KIAA1549L: variants seen among roughly 807,000 people sequenced by gnomAD.
KIAA1549L encodes the protein UPF0606 protein KIAA1549L.
KIAA1549L carries 88 observed loss-of-function variants against 160.7 expected under a neutral mutation model. The observed-to-expected ratio is 0.55, with a 90% CI of 0.46 to 0.65. The LOEUF is 0.65. KIAA1549L is among the 30% of genes least tolerant of loss of function. The probability of loss-of-function intolerance (pLI) is 0.00; values close to 1 mark genes in which losing one functional copy is unlikely to be tolerated. For synonymous variants in KIAA1549L, 950 were observed against 976.7 expected, an observed-to-expected ratio of 0.97 and a Z score of 0.51; for missense variants, 2,258 against 2,437.5, an observed-to-expected ratio of 0.93 and a Z score of 1.55.
At chr11:33,430,009 C>CCCTCCCTTCCTTCCTTCCTT (rs369468169) in intron 1 of KIAA1549L, among the ~76,000 whole-genome samples, 4 of 93,298 alleles carry the variant, frequency 4.3e-5, no homozygotes, top group African/African-American at 1.4e-4. Context: ...GCTCTGCCCT[C>CCCTCCCTTCCTTCCTTCCTT]CCTTCCTTCC....
At chr11:33,482,143 C>T (rs913679182) in intron 1 of KIAA1549L, among the ~76,000 whole-genome samples, 1 of 151,834 alleles carries the variant, frequency 6.6e-6, no homozygotes, top group Non-Finnish European at 1.5e-5. Context: ...TTTCTTTGTG[C>T]TGTCTGGCAC....
At chr11:33,385,834 T>C (rs1322977424) in intron 1 of KIAA1549L, among the ~76,000 whole-genome samples, 2 of 152,148 alleles carry the variant, frequency 1.3e-5, no homozygotes, top group Non-Finnish European at 2.9e-5. Context: ...GTTTTCCACA[T>C]ACAAATTTGT....
rs1849966730 is a variant in KIAA1549L at position 33,376,944 on chromosome 11, G to A, written c.238+55G>A. ...AGGTTTCTGGAGGAGCGGGGCGGCG[G>A]GACGGGACCCACACCTGCCCAGGTG... is the stretch of plus-strand genomic sequence containing the variant. On this transcript the variant is annotated intron_variant, in intron 1 of 20. Coordinates refer to ENST00000658780, the MANE Select transcript of KIAA1549L (RefSeq NM_012194.3). This position sits in a 1 kb window ranked among gnomAD's most constrained non-coding sequence, Gnocchi z 5.8. 6.6e-6 allele frequency: 1 copy of A among 152,362 alleles called. No homozygotes were observed. Among genetic ancestry groups the A allele is most frequent in the South Asian group, 2.1e-4 (1 of 4,836 alleles). The allele number at this position is 152,362 out of a possible 1,614,324, so 9.4% of individuals were successfully genotyped here. A position where few individuals can be genotyped will look rare whatever the true frequency, so the allele number is the denominator to read the frequency against.
At chr11:33,653,628 A>G (rs916002584) in intron 17 of KIAA1549L, among the ~76,000 whole-genome samples, 2 of 152,162 alleles carry the variant, frequency 1.3e-5, no homozygotes, top group South Asian at 2.1e-4. Context: ...TATTTTATCA[A>G]TTCTGGAAAA....
intron 16 of KIAA1549L, among the ~76,000 whole-genome samples, chr11:33,642,860 G>A (rs1239342747): frequency 6.6e-6 from 1 of 152,192 alleles, no homozygotes; most frequent in Non-Finnish European, 1.5e-5. Context: ...CTAACAAGGG[G>A]AAGTGGACAG....
intron 1 of KIAA1549L, among the ~76,000 whole-genome samples, chr11:33,427,005 A>G (rs1198139121): frequency 1.3e-5 from 2 of 152,150 alleles, no homozygotes; most frequent in Non-Finnish European, 2.9e-5. Context: ...TTTTGGGGAA[A>G]CTTAGGGATA....
At chr11:33,507,177 C>T (rs758206764) in intron 1 of KIAA1549L, among the ~76,000 whole-genome samples, 2 of 152,104 alleles carry the variant, frequency 1.3e-5, no homozygotes, top group Non-Finnish European at 2.9e-5. Context: ...AAGGCAAGGC[C>T]GAGTTTATTG....
At chr11:33,567,429 C>A (rs564922930) in intron 8 of KIAA1549L, among the ~76,000 whole-genome samples, 10 of 152,302 alleles carry the variant, frequency 6.6e-5, no homozygotes, top group Non-Finnish European at 8.8e-5. Context: ...ATAGCTCACT[C>A]TTTCCATTCA....
chr11:33,576,648 T>G (rs918199336), intron 10 of KIAA1549L, among the ~76,000 whole-genome samples: 1 of 152,000 alleles, frequency 6.6e-6, no homozygotes, highest in Non-Finnish European at 1.5e-5. Flanking sequence ...GTGAACAGAT[T>G]TGGGATATTT....
chr11:33,405,054 A>G (rs1004571722), intron 1 of KIAA1549L, among the ~76,000 whole-genome samples: 4 of 151,906 alleles, frequency 2.6e-5, no homozygotes, highest in African/African-American at 9.7e-5. Flanking sequence ...AAAAAAAGTC[A>G]GATAAAATAA....
intron 1 of KIAA1549L, among the ~76,000 whole-genome samples, chr11:33,496,485 G>A (rs916298030): frequency 2.6e-5 from 4 of 152,230 alleles, no homozygotes; most frequent in South Asian, 4.1e-4. Context: ...TGCCCAGAGC[G>A]CAGCTCTTGA....
At chr11:33,638,059 A>G (rs547907617) in intron 16 of KIAA1549L, among the ~76,000 whole-genome samples, 1 of 152,164 alleles carries the variant, frequency 6.6e-6, no homozygotes, top group Non-Finnish European at 1.5e-5. Flanking sequence ...GCTTTCCCTG[A>G]CCATCCCCAT....
At chr11:33,526,216 A>G (rs1853608048) in intron 1 of KIAA1549L, among the ~76,000 whole-genome samples, 1 of 152,122 alleles carries the variant, frequency 6.6e-6, no homozygotes, top group Non-Finnish European at 1.5e-5. Flanking sequence ...AGGCCAACCA[A>G]TTCAAGCCAT....
intron 1 of KIAA1549L, among the ~76,000 whole-genome samples, chr11:33,499,417 G>T (rs1008915454): frequency 6.6e-6 from 1 of 152,204 alleles, no homozygotes; most frequent in South Asian, 2.1e-4. Flanking sequence ...TTGGGGAGGG[G>T]GATTTGTGTT....
At chr11:33,496,240 G>A (rs1419942924) in intron 1 of KIAA1549L, among the ~76,000 whole-genome samples, 2 of 152,160 alleles carry the variant, frequency 1.3e-5, no homozygotes, top group Admixed American at 6.6e-5. Flanking sequence ...CTGGATGACA[G>A]GTGTGAGCCA....
At chr11:33,428,857 A>G (rs1009005291) in intron 1 of KIAA1549L, among the ~76,000 whole-genome samples, 2 of 152,168 alleles carry the variant, frequency 1.3e-5, no homozygotes, top group African/African-American at 4.8e-5. Context: ...CTAGTTCTAG[A>G]TCCTTGAGGA....
At chr11:33,666,598 A>G (rs1237642923) in intron 20 of KIAA1549L, among the ~76,000 whole-genome samples, 2 of 152,078 alleles carry the variant, frequency 1.3e-5, no homozygotes, top group African/African-American at 2.4e-5. Context: ...GCATCCCTGT[A>G]TGTGCCACTG....
intron 6 of KIAA1549L, among the ~76,000 whole-genome samples, chr11:33,556,739 T>C (rs184318428): frequency 3.9e-4 from 59 of 152,196 alleles, no homozygotes; most frequent in African/African-American, 1.3e-3. Context: ...TTGGGAGTTG[T>C]TTAGTGGGTA....
intron 16 of KIAA1549L, among the ~76,000 whole-genome samples, chr11:33,631,038 G>A (rs1851272972): frequency 6.6e-6 from 1 of 152,196 alleles, no homozygotes; most frequent in African/African-American, 2.4e-5. Context: ...ATGGGAAGAG[G>A]AAGTGCTCCT....
Sources: allele counts gnomAD v4.1 joint callset (sites outside exome capture counted in the v4.1 genomes callset), GRCh38; gene constraint gnomAD v4.1.1; non-coding constraint Gnocchi (gnomAD v3.1); transcripts MANE v1.5; gene names NCBI Gene and HGNC (gene_info 2026-07-23, HGNC 2026-07-21).